The following PRR12 variants were observed in gnomAD, a reference collection of about 807,000 sequenced individuals.
PRR12 encodes proline-rich protein 12.
PRR12 carries 12 observed loss-of-function variants against 138.0 expected under a neutral mutation model. That is an observed-to-expected ratio of 0.09 (90% CI 0.06 to 0.14). The LOEUF is 0.14. PRR12 is among the 10% of genes least tolerant of loss of function. The pLI is 1.00. For synonymous variants in PRR12, 1,567 were observed against 1,291.7 expected (o/e 1.21, Z -4.57); for missense variants, 2,692 against 2,861.3 (o/e 0.94, Z 1.35).
At chr19:49,598,519 A>C (rs1227169304) in intron 4 of PRR12, among the ~76,000 whole-genome samples, 2 of 152,136 alleles carry the variant, frequency 1.3e-5, no homozygotes, top group Non-Finnish European at 2.9e-5. Flanking sequence ...AAGACCTAAG[A>C]ATTGAAATTC....
chr19:49,606,555 C>T (rs899740778), intron 6 of PRR12, among the ~76,000 whole-genome samples: 5 of 151,400 alleles, frequency 3.3e-5, no homozygotes, highest in Non-Finnish European at 5.9e-5. Context: ...GCGCCGCCTC[C>T]CCCGCCCCCC....
intron 6 of PRR12, among the ~76,000 whole-genome samples, chr19:49,608,725 G>A (rs1382064126): frequency 6.6e-5 from 10 of 151,972 alleles, no homozygotes; most frequent in Middle Eastern, 6.8e-3. Context: ...CTGTAGTCCC[G>A]GCTACTGGAG....
In PRR12 at chr19:49,601,567, C is replaced by A. The variant is rs1294740052; in HGVS notation, c.4422C>A (p.Pro1474=). Residue 1474 remains proline (P), a synonymous_variant, in exon 6 of 14, where the codon CCC becomes CCA. Transcript: ENST00000418929. Reference sequence around the variant, plus strand: ...CTCCTCAGCCTCAGCCTCCGCCACCCCCTCCGCCGCCACAGCCAGCCCTGC... The same window carrying A: ...CTCCTCAGCCTCAGCCTCCGCCACCACCTCCGCCGCCACAGCCAGCCCTGC... The part of the protein sequence containing the change: ...APTPQPQPPP[P]PPPPQPALPS... 6 of 1,539,804 alleles carry A rather than the reference C, an allele frequency of 3.9e-6. No individual in the cohort carries two copies. The highest frequency in any genetic ancestry group is 5.3e-6 in the Non-Finnish European group (6 of 1,139,066).
chr19:49,593,216 C>A, intron 1 of PRR12, 111 bp from the exon 2 acceptor site: 1 of 598,646 alleles, frequency 1.7e-6, no homozygotes, highest in Non-Finnish European at 3.0e-6. Context: ...GCTTAACACC[C>A]CCCACCCCGG....
At chr19:49,622,928 T>TATAGAG (rs1320368074) in intron 11 of PRR12, among the ~76,000 whole-genome samples, 40 of 77,764 alleles carry the variant, frequency 5.1e-4, no homozygotes, top group East Asian at 8.2e-4. Context: ...TATATATATA[T>TATAGAG]AGAGAGAGAG....
chr19:49,610,665 T>C (rs2122342844), intron 6 of PRR12, among the ~76,000 whole-genome samples: 1 of 150,256 alleles, frequency 6.7e-6, no homozygotes, highest in African/African-American at 2.5e-5. Flanking sequence ...CCTCAGCCTC[T>C]CAAGTAGCTA....
rs1232171291 is a variant in PRR12, at chr19:49,601,802, G to A, written c.4657G>A (p.Glu1553Lys). The change falls in exon 6 of 14, where the codon GAG (glutamate) becomes AAG (lysine). Residue 1553 changes from glutamate (E) to lysine (K), a missense_variant. This residue lies in a region of PRR12 where 92 missense variants were observed against 174.1 expected (regional missense o/e 0.53). Coordinates refer to ENST00000418929, the MANE Select transcript of PRR12 (RefSeq NM_020719.3). Reference sequence around the variant, plus strand: ...GCCCCTGCATCTGGCCAAAAAGCAGGAGACGGCGGCAGTGTGTGGGGAGAC... The same window carrying A: ...GCCCCTGCATCTGGCCAAAAAGCAGAAGACGGCGGCAGTGTGTGGGGAGAC... ...TRPLHLAKKQETAAVCGETDE... is the reference protein window; with the variant it reads ...TRPLHLAKKQKTAAVCGETDE... 6.2e-7 allele frequency: 1 copy of A among 1,611,708 alleles called. No homozygotes were observed.
intron 6 of PRR12, among the ~76,000 whole-genome samples, chr19:49,606,334 CAG>C (rs1453874990): frequency 7.0e-6 from 1 of 142,914 alleles, no homozygotes; most frequent in Admixed American, 7.2e-5. Context: ...TTTTTTGAGA[CAG>C]AGTCTCAGTC....
rs757491679 is a variant in PRR12, at chr19:49,625,568, C to T, written c.6072C>T (p.Asp2024=). ...AACAGCTCTTTGACTCCTTCAGTGA[C>T]CTGCTGGCCCAAGCACAGGCCCACA... is the stretch of plus-strand genomic sequence containing the variant. ...WLEQLFDSFS[D]LLAQAQAHSR... is the part of the protein sequence containing the mutation. Residue 2024 remains aspartate, a synonymous_variant, in exon 14 of 14, where the codon GAC becomes GAT. Coordinates refer to ENST00000418929, the MANE Select transcript of PRR12 (RefSeq NM_020719.3). This position sits in a 1 kb window ranked among gnomAD's most constrained non-coding sequence, Gnocchi z 5.5. 1.1e-4 allele frequency: 177 copies of T among 1,611,962 alleles called. No individual in the cohort carries two copies. Among genetic ancestry groups the T allele is most frequent in the Non-Finnish European group, 1.5e-4 (173 of 1,179,226 alleles).
chr19:49,621,005 T>C (rs1205222556), intron 10 of PRR12, among the ~76,000 whole-genome samples: 4 of 91,774 alleles, frequency 4.4e-5, no homozygotes, highest in Admixed American at 1.1e-4. Context: ...CTCCTGGGTC[T>C]GAGGGAGGAG....
Position 49,597,456 on chromosome 19 carries a change from C to G in PRR12, c.3121C>G (p.Pro1041Ala). The G allele has an allele frequency of 6.5e-7, 1 of 1,540,986 alleles. No individual in the cohort carries two copies. The highest frequency in any genetic ancestry group is 8.7e-7 in the Non-Finnish European group (1 of 1,146,094). Residue 1041 changes from proline to alanine, a missense_variant, in exon 4 of 14, where the codon CCC (proline) becomes GCC (alanine). Pro to Ala is a conservative substitution (Grantham distance 27). This residue lies in a region of PRR12 where 840 missense variants were observed against 689.8 expected (regional missense o/e 1.22). Coordinates refer to ENST00000418929, the MANE Select transcript of PRR12 (RefSeq NM_020719.3). The surrounding 1 kb of genome is among the most constrained non-coding windows in gnomAD (Gnocchi z 6.3). ...TGGCCCCCACCAGGCGGCGCCACCA[C>G]CCCCGCCTCCGCCACCGCCGCCTCC... The part of the protein sequence containing the change: ...QSGPHQAAPP[P>A]PPPPPPPPAP...
Position 49,599,580 on chromosome 19 carries a change from C to T in PRR12, c.3987C>T (p.Thr1329=). Residue 1329 remains threonine (T), a synonymous_variant, in exon 5 of 14, where the codon ACC becomes ACT. Coordinates refer to ENST00000418929, the MANE Select transcript of PRR12 (RefSeq NM_020719.3). The surrounding 1 kb of genome is among the most constrained non-coding windows in gnomAD (Gnocchi z 5.0). ...ARGLQPQPPA[T]PAVPHPPPSG... ...GCCTGCAGCCCCAGCCCCCTGCCAC[C>T]CCTGCTGTGCCACATCCCCCACCTT... The T allele has an allele frequency of 6.3e-7, 1 of 1,595,382 alleles. No individual in the cohort carries two copies. The highest frequency in any genetic ancestry group is 8.5e-7 in the Non-Finnish European group (1 of 1,170,720).
In PRR12 at chr19:49,596,843, T is replaced by TACC; in HGVS notation, c.2508_2509insACC (p.Pro836_Pro837insThr). 5.8e-6 allele frequency: 9 copies of TACC among 1,546,692 alleles called. No homozygotes were observed. The highest frequency in any genetic ancestry group is 1.1e-5 in the South Asian group (1 of 88,740). On this transcript the variant is annotated inframe_insertion, in exon 4 of 14. Coordinates refer to ENST00000418929, the MANE Select transcript of PRR12 (RefSeq NM_020719.3). This position sits in a 1 kb window ranked among gnomAD's most constrained non-coding sequence, Gnocchi z 5.6. ...CCCGCGATGGGGCACCCCAGCCACCTCCACCGCCACCCCCGCCTCCACCAC... is the reference window on the plus strand; with the variant it reads ...CCCGCGATGGGGCACCCCAGCCACCTACCCCACCGCCACCCCCGCCTCCACCAC...
intron 4 of PRR12, among the ~76,000 whole-genome samples, chr19:49,598,259 A>G (rs1219527921): frequency 6.6e-6 from 1 of 151,692 alleles, no homozygotes. Flanking sequence ...TATTTTTAGT[A>G]GAGACGGGGT....
chr19:49,607,588 G>C (rs2080845201), intron 6 of PRR12, among the ~76,000 whole-genome samples: 1 of 151,848 alleles, frequency 6.6e-6, no homozygotes, highest in African/African-American at 2.4e-5. Context: ...TGTGCTTGTT[G>C]TCCCAGCTAC....
chr19:49,602,452 A>G (rs1340619073), intron 6 of PRR12, among the ~76,000 whole-genome samples: 1 of 152,242 alleles, frequency 6.6e-6, no homozygotes, highest in Admixed American at 6.5e-5. Context: ...TAATCTCAGC[A>G]CTTTGGGAGT....
At chr19:49,617,425 C>G (rs191040818) in intron 9 of PRR12, among the ~76,000 whole-genome samples, 1 of 151,988 alleles carries the variant, frequency 6.6e-6, no homozygotes, top group Admixed American at 6.6e-5. Flanking sequence ...CTCAAGAGTT[C>G]GAGATGAGCC....
rs574758283 is a variant in PRR12 at position 49,622,922 on chromosome 19, T to G, written c.5721+1300T>G. On this transcript the variant is annotated intron_variant, in intron 11 of 13. Transcript: ENST00000418929. ...AAAAACAAAAACATATATATATATA[T>G]ATATATAGAGAGAGAGAGAGAGAGA... Among the ~76,000 whole-genome samples, 208 of 83,030 alleles carry G rather than the reference T, an allele frequency of 2.5e-3. 3 individuals carry two copies. Among genetic ancestry groups the G allele is most frequent in the Admixed American group, 1.2e-3 (11 of 9,226 alleles). The allele number at this position is 83,030 out of a possible 152,430, so 54.5% of individuals were successfully genotyped here. A position where few individuals can be genotyped will look rare whatever the true frequency, so the allele number is the denominator to read the frequency against.
intron 5 of PRR12, 111 bp from the exon 6 acceptor site, chr19:49,601,380 A>T (rs543676854): frequency 1.5e-6 from 1 of 652,858 alleles, no homozygotes; most frequent in African/African-American, 1.9e-5. Context: ...CTGGGAGCTG[A>T]GTGGTAGTTA....
Sources: gnomAD v4.1 joint callset for allele counts (sites outside exome capture counted in the v4.1 genomes callset) on GRCh38, gnomAD v4.1.1 for gene constraint, gnomAD v4.1.1 regional missense constraint, Gnocchi (gnomAD v3.1) non-coding constraint, MANE v1.5 for transcripts, NCBI Gene and HGNC (gene_info 2026-07-23, HGNC 2026-07-21) for gene names.